SEMA3F: variants seen among roughly 807,000 people sequenced by gnomAD.
The protein encoded by SEMA3F is semaphorin 3F, also known as semaphorin-3F.
A neutral mutation model predicts 98.5 loss-of-function variants in SEMA3F; 30 were observed. The observed-to-expected ratio is 0.30, with a 90% confidence interval of 0.23 to 0.41. The LOEUF (loss-of-function observed/expected upper bound fraction) is 0.41, where lower values mean the gene tolerates loss of function less well. Among genes scored for constraint, SEMA3F ranks in the 10% least tolerant of loss-of-function variants. The pLI is 1.00. For missense variants in SEMA3F, 866 were observed against 1,119.3 expected, an observed-to-expected ratio of 0.77 and a Z score of 3.23; for synonymous variants, 380 against 444.8, an observed-to-expected ratio of 0.85 and a Z score of 1.83.
chr3:50,159,538 C>T, intron 1 of SEMA3F, 37 bp from the exon 2 acceptor site: 4 of 778,060 alleles, frequency 5.1e-6, no homozygotes, highest in Non-Finnish European at 8.5e-6. Flanking sequence ...ACTCCCCCAT[C>T]TGCCTCACAC....
rs761101790 is a variant in SEMA3F, at chr3:50,175,133, G to A, written c.494G>A (p.Arg165His). The A allele has an allele frequency of 1.7e-5, 27 of 1,610,408 alleles. No homozygotes were observed. Among genetic ancestry groups the A allele is most frequent in the East Asian group, 6.7e-5 (3 of 44,716 alleles). ...ACCCAGACTCAGGCGGTCAGAGGCC[G>A]CGGCAGCAGAGCCACGGATGGTGCC... is the stretch of plus-strand genomic sequence containing the variant. Reference protein sequence around the residue: ...PWTQTQAVRGRGSRATDGALR... With the variant: ...PWTQTQAVRGHGSRATDGALR... The change falls in exon 6 of 19, where the codon CGC becomes CAC. Residue 165 changes from arginine (R) to histidine (H), a missense_variant. Physicochemically the swap from Arg to His is conservative, Grantham distance 29. Coordinates refer to ENST00000002829, the MANE Select transcript of SEMA3F (RefSeq NM_004186.5).
At chr3:50,179,226 T>C (rs2109102789) in intron 7 of SEMA3F, among the ~76,000 whole-genome samples, 1 of 152,316 alleles carries the variant, frequency 6.6e-6, no homozygotes, top group African/African-American at 2.4e-5. Flanking sequence ...TAAGAGAGTC[T>C]GACTGTCGTT....
At chr3:50,160,090 C>T (rs930788452) in intron 2 of SEMA3F, among the ~76,000 whole-genome samples, 1 of 152,172 alleles carries the variant, frequency 6.6e-6, no homozygotes, top group African/African-American at 2.4e-5. Flanking sequence ...CCCTCCTTGC[C>T]ACTGCTATGC....
intron 2 of SEMA3F, 103 bp from the exon 3 acceptor site, chr3:50,173,690 G>A (rs2109087098): frequency 1.1e-6 from 1 of 923,644 alleles, no homozygotes; most frequent in East Asian, 2.6e-5. Context: ...TGTGGTGGGG[G>A]TCCTGAGGGG....
intron 16 of SEMA3F, 91 bp from the exon 17 acceptor site, chr3:50,186,190 A>G (rs2109124872): frequency 2.0e-6 from 3 of 1,480,808 alleles, no homozygotes; most frequent in Non-Finnish European, 2.8e-6. Flanking sequence ...TGCCCTGGGG[A>G]AAAAGGGCCC....
chr3:50,185,395 T>G (rs1380421586), intron 13 of SEMA3F, 48 bp from the exon 14 acceptor site: 42 of 813,550 alleles, frequency 5.2e-5, no homozygotes, highest in Middle Eastern at 3.5e-4. Flanking sequence ...CTGGTACCCC[T>G]TCCCCAGCAT....
At chr3:50,165,423 C>A (rs1698367599) in intron 2 of SEMA3F, among the ~76,000 whole-genome samples, 1 of 152,174 alleles carries the variant, frequency 6.6e-6, no homozygotes, top group Non-Finnish European at 1.5e-5. Context: ...GGAAGTAGCT[C>A]CCTAGAGACT....
intron 2 of SEMA3F, among the ~76,000 whole-genome samples, chr3:50,170,320 T>C (rs1698555635): frequency 6.6e-6 from 1 of 151,946 alleles, no homozygotes; most frequent in South Asian, 2.1e-4. Flanking sequence ...CACACTGGAG[T>C]TGGGAAGGCT....
At chr3:50,174,018 A>G (rs775576962) in intron 3 of SEMA3F, 34 bp from the exon 4 acceptor site, 4 of 1,613,904 alleles carry the variant, frequency 2.5e-6, no homozygotes, top group African/African-American at 2.7e-5. Flanking sequence ...GGGCATGTCC[A>G]GAAGGCTGCA....
intron 2 of SEMA3F, among the ~76,000 whole-genome samples, chr3:50,164,027 G>T (rs1253771838): frequency 1.3e-5 from 2 of 152,220 alleles, no homozygotes; most frequent in Non-Finnish European, 2.9e-5. Context: ...TCCCCCAACT[G>T]GCTAGGAATT....
At chr3:50,172,141 G>C (rs1210937254) in intron 2 of SEMA3F, among the ~76,000 whole-genome samples, 1 of 152,188 alleles carries the variant, frequency 6.6e-6, no homozygotes, top group Admixed American at 6.5e-5. Flanking sequence ...TGCCCCACCT[G>C]TGAAATGGGT....
chr3:50,182,692 A>G lies in SEMA3F; in HGVS notation c.812A>G (p.Asn271Ser), dbSNP rs767245346. The G allele has an allele frequency of 5.0e-6, 8 of 1,613,724 alleles. No homozygotes were observed. In the South Asian group the frequency reaches 6.6e-5, roughly 13 times the overall value. The change falls in exon 9 of 19, where the codon AAT becomes AGT. Residue 271 changes from asparagine to serine, a missense_variant. By Grantham distance (46) the Asn-to-Ser change is conservative (BLOSUM62 1). Around this residue, in one of 3 missense-constraint regions of SEMA3F, gnomAD observed 374 missense variants for 582.8 expected, o/e 0.64. Coordinates refer to ENST00000002829, the MANE Select transcript of SEMA3F (RefSeq NM_004186.5). The surrounding 1 kb of genome is among the most constrained non-coding windows in gnomAD (Gnocchi z 4.5). ...AELIPDSAER[N>S]DDKLYFFFRE... Reference sequence around the variant, plus strand: ...CTCATTCCTGACAGTGCGGAGCGCAATGATGATAAGCTTTACTTCTTCTTC... The same window carrying G: ...CTCATTCCTGACAGTGCGGAGCGCAGTGATGATAAGCTTTACTTCTTCTTC...
chr3:50,173,991 C>T (rs747660442), intron 3 of SEMA3F, 38 bp downstream of exon 3: 13 of 1,613,886 alleles, frequency 8.1e-6, no homozygotes, highest in East Asian at 4.5e-5. Flanking sequence ...GGGGTGGGCA[C>T]GGAGCCCCAG....
At chr3:50,184,229 C>T (rs888417171) in intron 12 of SEMA3F, 4 of 292,504 alleles carry the variant, frequency 1.4e-5, no homozygotes, top group East Asian at 8.6e-5. Flanking sequence ...ACAAGGACGT[C>T]GGGGCCTGCA....
At chr3:50,172,884 C>T (rs1170134948) in intron 2 of SEMA3F, among the ~76,000 whole-genome samples, 1 of 152,158 alleles carries the variant, frequency 6.6e-6, no homozygotes, top group South Asian at 2.1e-4. Context: ...CCGGTCACAC[C>T]CCTATCTGCT....
chr3:50,186,643 A>G lies in SEMA3F; in HGVS notation c.1844A>G (p.Tyr615Cys). ...ANKNAVESVQ[Y>C]GVAGSAAFLE... ...AAGAATGCCGTGGAGTCTGTGCAGT[A>G]TGGCGTGGCCGGCAGCGCAGCCTTC... Residue 615 changes from tyrosine (Y) to cysteine (C), a missense_variant, in exon 18 of 19, where the codon TAT becomes TGT. Coordinates refer to ENST00000002829, the MANE Select transcript of SEMA3F (RefSeq NM_004186.5). 1 of 1,607,030 alleles carries G rather than the reference A, an allele frequency of 6.2e-7. No individual in the cohort carries two copies. Among genetic ancestry groups the G allele is most frequent in the Non-Finnish European group, 8.5e-7 (1 of 1,174,296 alleles).
Position 50,188,195 on chromosome 3 carries a change from AT to A in SEMA3F, c.*81del, listed in dbSNP as rs1699309573. Reference sequence around the variant, plus strand: ...AAAAGATATATATATATATATATATATATAAAATATCTATATTCTATACACA... The same window carrying A: ...AAAAGATATATATATATATATATATAATAAAATATCTATATTCTATACACA... On this transcript the variant is annotated 3_prime_UTR_variant, in exon 19 of 19. Transcript: ENST00000002829. The surrounding 1 kb of genome is among the most constrained non-coding windows in gnomAD (Gnocchi z 4.5). 1.1e-5 allele frequency: 5 copies of A among 460,496 alleles called. No individual in the cohort carries two copies. The highest frequency in any genetic ancestry group is 4.9e-5 in the East Asian group (1 of 20,324). The allele number at this position is 460,496 out of a possible 1,614,324, so 28.5% of individuals were successfully genotyped here. A position where few individuals can be genotyped will look rare whatever the true frequency, so the allele number is the denominator to read the frequency against.
At chr3:50,173,010 G>A (rs182895316) in intron 2 of SEMA3F, among the ~76,000 whole-genome samples, 121 of 152,294 alleles carry the variant, frequency 7.9e-4, no homozygotes, top group Non-Finnish European at 1.3e-3. Context: ...CGCACCTACC[G>A]CCCTTTCATT....
At chr3:50,157,862 A>AG (rs1038247960) in intron 1 of SEMA3F, among the ~76,000 whole-genome samples, 4 of 152,028 alleles carry the variant, frequency 2.6e-5, no homozygotes, top group Admixed American at 6.5e-5. Context: ...GGTCATGGGG[A>AG]GGGGGGAGGC....
Sources: allele counts gnomAD v4.1 joint callset (sites outside exome capture counted in the v4.1 genomes callset), GRCh38; gene constraint gnomAD v4.1.1; regional missense constraint gnomAD v4.1.1; non-coding constraint Gnocchi (gnomAD v3.1); transcripts MANE v1.5; gene names NCBI Gene and HGNC (gene_info 2026-07-23, HGNC 2026-07-21).